The following CACNA2D1 variants were observed in gnomAD, a reference collection of about 807,000 sequenced individuals.
The protein encoded by CACNA2D1 is voltage-dependent calcium channel subunit alpha-2/delta-1.
Under a neutral mutation model 171.5 loss-of-function variants are expected in CACNA2D1, and 53 were observed. That is an observed-to-expected ratio of 0.31 (90% CI 0.25 to 0.39). The LOEUF is 0.39. Ranked by LOEUF, CACNA2D1 falls within the 10% of genes least tolerant of loss-of-function variation. The pLI is 1.00. For missense variants in CACNA2D1, 903 were observed against 1,299.8 expected (o/e 0.69, Z 4.69); for synonymous variants, 442 against 443.1 (o/e 1.00, Z 0.03).
intron 1 of CACNA2D1, among the ~76,000 whole-genome samples, chr7:82,371,638 T>TG (rs1822427135): frequency 6.6e-6 from 1 of 152,124 alleles, no homozygotes; most frequent in Non-Finnish European, 1.5e-5. Flanking sequence ...CAGAGTGCAA[T>TG]CGCACAATCT....
rs71093370 is a variant in CACNA2D1 at position 82,232,861 on chromosome 7, C to CAAAAAAAAAA, written c.295-62262_295-62253dup. 8.6e-4 allele frequency among the ~76,000 whole-genome samples: 45 copies of CAAAAAAAAAA among 52,452 alleles called. 3 individuals are homozygous for CAAAAAAAAAA. The highest frequency in any genetic ancestry group is 3.0e-3 in the African/African-American group (45 of 15,202). The allele number at this position is 52,452 out of a possible 152,430, so 34.4% of individuals were successfully genotyped here. ...CCTGGGCAACAGAGCGAGATGTCTC[C>CAAAAAAAAAA]AAAAAAAAAAAAAAAAAAAAAAAAA... On this transcript the variant is annotated intron_variant, in intron 3 of 38. Coordinates refer to ENST00000356860, the MANE Select transcript of CACNA2D1 (RefSeq NM_000722.4).
At chr7:82,078,573 A>G (rs1809296857) in intron 7 of CACNA2D1, among the ~76,000 whole-genome samples, 1 of 152,224 alleles carries the variant, frequency 6.6e-6, no homozygotes, top group Non-Finnish European at 1.5e-5. Context: ...TTCAAGGAAG[A>G]CATCATTAAA....
At chr7:81,990,119 C>G (rs191669743) in intron 21 of CACNA2D1, among the ~76,000 whole-genome samples, 2 of 152,242 alleles carry the variant, frequency 1.3e-5, no homozygotes, top group Admixed American at 6.5e-5. Flanking sequence ...CCAAAAGTAA[C>G]AGAGCCCAGG....
chr7:82,218,621 C>T (rs1801433166), intron 3 of CACNA2D1, among the ~76,000 whole-genome samples: 1 of 152,006 alleles, frequency 6.6e-6, no homozygotes, highest in South Asian at 2.1e-4. Flanking sequence ...AGTACAGAAC[C>T]AAGATGAGTG....
chr7:82,274,351 G>T (rs1809039023), intron 3 of CACNA2D1, among the ~76,000 whole-genome samples: 1 of 151,828 alleles, frequency 6.6e-6, no homozygotes, highest in Non-Finnish European at 1.5e-5. Flanking sequence ...TTTCTTTATT[G>T]CATATTTACT....
intron 1 of CACNA2D1, among the ~76,000 whole-genome samples, chr7:82,408,835 C>T (rs1156409151): frequency 1.3e-5 from 2 of 152,126 alleles, no homozygotes; most frequent in African/African-American, 2.4e-5. Flanking sequence ...CAGATGGTCC[C>T]AAGAAATTTT....
At chr7:82,284,836 T>C (rs1585334856) in intron 3 of CACNA2D1, among the ~76,000 whole-genome samples, 1 of 152,158 alleles carries the variant, frequency 6.6e-6, no homozygotes, top group Non-Finnish European at 1.5e-5. Flanking sequence ...GTGGCTTGGG[T>C]TGTCTTTGTA....
chr7:82,037,516 T>G (rs1335317799), intron 11 of CACNA2D1, among the ~76,000 whole-genome samples: 7 of 151,664 alleles, frequency 4.6e-5, no homozygotes, highest in Non-Finnish European at 1.0e-4. Context: ...CATGGGGCAA[T>G]AAGCACGCCA....
At chr7:82,069,712 CCTTTT>C (rs1338187274) in intron 7 of CACNA2D1, among the ~76,000 whole-genome samples, 3 of 10,382 alleles carry the variant, frequency 2.9e-4, no homozygotes, top group Non-Finnish European at 1.5e-3. Context: ...GCGAAGTACC[CCTTTT>C]TTTTTTATTT....
chr7:82,104,865 T>C (rs116434331), intron 6 of CACNA2D1, among the ~76,000 whole-genome samples: 4,322 of 152,176 alleles, frequency 0.028, 79 homozygotes, highest in South Asian at 0.068. Context: ...TGATTATATA[T>C]AACACTTGCA....
intron 3 of CACNA2D1, among the ~76,000 whole-genome samples, chr7:82,259,944 T>G (rs975300355): frequency 1.4e-4 from 22 of 152,260 alleles, no homozygotes; most frequent in African/African-American, 5.1e-4. Context: ...CACTTAGGGC[T>G]GGACACGGTG....
At chr7:82,185,525 A>G (rs1332895574) in intron 3 of CACNA2D1, among the ~76,000 whole-genome samples, 10 of 12,872 alleles carry the variant, frequency 7.8e-4, no homozygotes, top group African/African-American at 1.6e-3. Context: ...GAGGGGGAGG[A>G]GGAGGAGGGG....
rs529829764 is a variant in CACNA2D1 at position 82,375,424 on chromosome 7, A to G, written c.96-25775T>C. 1.2e-4 allele frequency among the ~76,000 whole-genome samples: 19 copies of G among 152,272 alleles called. No homozygotes were observed. In the East Asian group the frequency reaches 2.9e-3, roughly 23 times the overall value. ...TTAGAACTGCAGGTGCCAAGATCAAATTTCCAGCCACCCTGATCACAAGAG... is the reference window on the plus strand; with the variant it reads ...TTAGAACTGCAGGTGCCAAGATCAAGTTTCCAGCCACCCTGATCACAAGAG... On this transcript the variant is annotated intron_variant, in intron 1 of 38. Transcript: ENST00000356860.
intron 1 of CACNA2D1, among the ~76,000 whole-genome samples, chr7:82,415,604 G>A (rs1025894208): frequency 2.0e-5 from 3 of 151,916 alleles, no homozygotes; most frequent in Non-Finnish European, 2.9e-5. Context: ...ATGTATTCTC[G>A]CTCTGGTCAG....
At chr7:82,093,605 C>T (rs567021249) in intron 6 of CACNA2D1, among the ~76,000 whole-genome samples, 1 of 152,024 alleles carries the variant, frequency 6.6e-6, no homozygotes, top group East Asian at 1.9e-4. Flanking sequence ...CAATGGCAAA[C>T]TGAAAAAAGA....
intron 3 of CACNA2D1, among the ~76,000 whole-genome samples, chr7:82,189,403 T>A (rs1335073648): frequency 6.6e-6 from 1 of 151,846 alleles, no homozygotes; most frequent in East Asian, 1.9e-4. Flanking sequence ...AGTTTCTCTA[T>A]CTAAGATTCA....
rs140955025 is a variant in CACNA2D1 at position 82,389,751 on chromosome 7, G to T, written c.96-40102C>A. Among the ~76,000 whole-genome samples, 314 of 152,260 alleles carry T rather than the reference G, an allele frequency of 2.1e-3. 1 individual carries two copies. Among genetic ancestry groups the T allele is most frequent in the Non-Finnish European group, 3.6e-3 (245 of 68,028 alleles). On this transcript the variant is annotated intron_variant, in intron 1 of 38. Transcript: ENST00000356860. ...TGTATTTAATTTCCTGGGTTATGGG[G>T]AGAATAATATGAACTAAGGTATATA...
intron 1 of CACNA2D1, among the ~76,000 whole-genome samples, chr7:82,401,118 C>T (rs1007868039): frequency 6.6e-6 from 1 of 152,126 alleles, no homozygotes; most frequent in Non-Finnish European, 1.5e-5. Context: ...GGACTGTAAA[C>T]TAGTTCAACC....
chr7:82,041,947 C>G (rs1194103414), intron 10 of CACNA2D1, among the ~76,000 whole-genome samples: 2 of 152,126 alleles, frequency 1.3e-5, no homozygotes, highest in African/African-American at 4.8e-5. Context: ...TAATGTATTG[C>G]TCAGAGTCTT....
Sources: allele counts gnomAD v4.1 joint callset (sites outside exome capture counted in the v4.1 genomes callset), GRCh38; gene constraint gnomAD v4.1.1; transcripts MANE v1.5; gene names NCBI Gene and HGNC (gene_info 2026-07-23, HGNC 2026-07-21).